The following SPATA6L variants were observed in gnomAD, a reference collection of about 807,000 sequenced individuals.
SPATA6L encodes spermatogenesis associated 6-like protein.
A neutral mutation model predicts 49.2 loss-of-function variants in SPATA6L; 68 were observed. The ratio of observed to expected loss-of-function variants is 1.38; its 90% CI spans 1.14 to 1.69. The LOEUF is 1.69. SPATA6L is among the 40% of genes most tolerant of loss of function. The probability of loss-of-function intolerance (pLI) is 0.00; values close to 1 mark genes in which losing one functional copy is unlikely to be tolerated. For synonymous variants in SPATA6L, 198 were observed against 165.7 expected, an observed-to-expected ratio of 1.19 and a Z score of -1.50; for missense variants, 668 against 464.3, an observed-to-expected ratio of 1.44 and a Z score of -4.03.
chr9:4,609,472 G>T (rs897479885), intron 9 of SPATA6L, among the ~76,000 whole-genome samples: 1 of 152,168 alleles, frequency 6.6e-6, no homozygotes, highest in Non-Finnish European at 1.5e-5. Flanking sequence ...TCATCCCTGG[G>T]ATGCAAGGCT....
chr9:4,648,619 G>A (rs889437193), intron 3 of SPATA6L, among the ~76,000 whole-genome samples: 1 of 151,842 alleles, frequency 6.6e-6, no homozygotes, highest in Admixed American at 6.6e-5. Context: ...AGAATGGCGT[G>A]AACCCGGGAG....
At chr9:4,653,736 C>T (rs999754180) in intron 3 of SPATA6L, among the ~76,000 whole-genome samples, 2 of 152,130 alleles carry the variant, frequency 1.3e-5, no homozygotes, top group Admixed American at 1.3e-4. Flanking sequence ...TCAAGACCAG[C>T]TGGGCAACAT....
intron 11 of SPATA6L, among the ~76,000 whole-genome samples, chr9:4,602,356 G>A (rs3780407): frequency 0.06 from 9,148 of 152,110 alleles, 517 homozygotes; most frequent in East Asian, 0.31. Flanking sequence ...CCCAGAATCC[G>A]TCCTTTAATC....
At chr9:4,619,725 G>T (rs1164046510) in intron 7 of SPATA6L, among the ~76,000 whole-genome samples, 1 of 152,086 alleles carries the variant, frequency 6.6e-6, no homozygotes, top group African/African-American at 2.4e-5. Flanking sequence ...CAACAAATAT[G>T]TAAAAGCTTG....
intron 3 of SPATA6L, among the ~76,000 whole-genome samples, chr9:4,655,752 T>C (rs1444448904): frequency 6.6e-6 from 1 of 152,172 alleles, no homozygotes; most frequent in Non-Finnish European, 1.5e-5. Flanking sequence ...GGTTTCACCA[T>C]GCTGACCAGG....
At chr9:4,659,820 C>A (rs1839188322) in intron 2 of SPATA6L, among the ~76,000 whole-genome samples, 1 of 152,106 alleles carries the variant, frequency 6.6e-6, no homozygotes, top group African/African-American at 2.4e-5. Flanking sequence ...AGTACTGGTA[C>A]CAAAACAGAG....
In SPATA6L at chr9:4,625,440, C is replaced by G. The variant is rs1284588701; in HGVS notation, c.556G>C (p.Ala186Pro). The part of the protein sequence containing the change: ...NRLPKGMQAR[A>P]PSQYSTRHFF... ...TGCCTGGTAGAATATTGAGAGGGCG[C>G]CCGGGCTTGCATGCCTTTGGGCAGT... Residue 186 changes from alanine to proline, a missense_variant, in exon 6 of 12, where the codon GCG becomes CCG. Transcript: ENST00000682582. 4 of 1,613,986 alleles carry G rather than the reference C, an allele frequency of 2.5e-6. No homozygotes were observed. The highest frequency in any genetic ancestry group is 3.3e-5 in the Admixed American group (2 of 59,998).
rs35552779 is a variant in SPATA6L at position 4,610,816 on chromosome 9, C to G, written c.996-5376G>C. On this transcript the variant is annotated intron_variant, in intron 9 of 11. Coordinates refer to ENST00000682582, the MANE Select transcript of SPATA6L (RefSeq NM_001353486.2). Reference sequence around the variant, plus strand: ...ACAAATGGGATCTAATTCAACTAAACAGCTTCTGCACAGCAAAAGAAACTA... The same window carrying G: ...ACAAATGGGATCTAATTCAACTAAAGAGCTTCTGCACAGCAAAAGAAACTA... 3.3e-3 allele frequency among the ~76,000 whole-genome samples: 505 copies of G among 152,052 alleles called. 5 individuals carry two copies. Among genetic ancestry groups the G allele is most frequent in the African/African-American group, 0.011 (471 of 41,364 alleles).
intron 6 of SPATA6L, among the ~76,000 whole-genome samples, chr9:4,624,194 C>G (rs1389923161): frequency 6.6e-6 from 1 of 151,898 alleles, no homozygotes; most frequent in Non-Finnish European, 1.5e-5. Context: ...CTGGTGTTCA[C>G]GTAGACTACA....
chr9:4,645,259 T>C (rs1157631831), intron 3 of SPATA6L, among the ~76,000 whole-genome samples: 1 of 152,188 alleles, frequency 6.6e-6, no homozygotes, highest in Non-Finnish European at 1.5e-5. Context: ...CAACAATTTG[T>C]ACATTAATAT....
chr9:4,625,675 T>A (rs1196274123), intron 5 of SPATA6L, 109 bp from the exon 6 acceptor site: 1 of 684,238 alleles, frequency 1.5e-6, no homozygotes, highest in Non-Finnish European at 2.2e-6. Context: ...AGGTCAAAGA[T>A]AACACACCTC....
intron 1 of SPATA6L, chr9:4,663,619 T>G: frequency 4.2e-6 from 1 of 235,398 alleles, no homozygotes. Context: ...TAAATCAACA[T>G]ACCACTTGTA....
intron 9 of SPATA6L, among the ~76,000 whole-genome samples, chr9:4,609,065 C>G (rs1011090753): frequency 2.0e-5 from 3 of 150,690 alleles, no homozygotes; most frequent in Admixed American, 6.6e-5. Flanking sequence ...ATAAATTCCT[C>G]GACACATACG....
rs148686981 is a variant in SPATA6L, at chr9:4,662,976, G to A, written c.40-940C>T. Reference sequence around the variant, plus strand: ...GGCCCACAACCAGATGGACATGTTTGTCACTCTCTCGGTGGACAAGTACTC... The same window carrying A: ...GGCCCACAACCAGATGGACATGTTTATCACTCTCTCGGTGGACAAGTACTC... On this transcript the variant is annotated intron_variant, in intron 1 of 11. Coordinates refer to ENST00000682582, the MANE Select transcript of SPATA6L (RefSeq NM_001353486.2). This position sits in a 1 kb window ranked among gnomAD's most constrained non-coding sequence, Gnocchi z 4.9. 35 of 1,612,902 alleles carry A rather than the reference G, an allele frequency of 2.2e-5. No individual in the cohort carries two copies. Among genetic ancestry groups the A allele is most frequent in the Non-Finnish European group, 2.6e-5 (31 of 1,179,904 alleles).
At chr9:4,606,874 G>C (rs1452059445) in intron 9 of SPATA6L, among the ~76,000 whole-genome samples, 8 of 144,688 alleles carry the variant, frequency 5.5e-5, no homozygotes, top group Non-Finnish European at 3.0e-5. Flanking sequence ...CAAACCAAAG[G>C]CAAAGAAGCT....
intron 1 of SPATA6L, chr9:4,663,270 C>T (rs751215578): frequency 3.1e-6 from 5 of 1,608,390 alleles, no homozygotes; most frequent in Non-Finnish European, 2.6e-6. Flanking sequence ...ATGACACCAT[C>T]TCATTGATTA....
chr9:4,589,297 G>GA (rs1227831666), intron 13 of SPATA6L, among the ~76,000 whole-genome samples: 1 of 152,140 alleles, frequency 6.6e-6, no homozygotes, highest in Non-Finnish European at 1.5e-5. Flanking sequence ...CTGCTTCTGG[G>GA]AAAAAACTAT....
At chr9:4,610,716 C>T (rs556734522) in intron 9 of SPATA6L, among the ~76,000 whole-genome samples, 1 of 151,934 alleles carries the variant, frequency 6.6e-6, no homozygotes, top group East Asian at 1.9e-4. Flanking sequence ...CTAGGCAATA[C>T]CATTCAGGAC....
intron 11 of SPATA6L, among the ~76,000 whole-genome samples, chr9:4,603,577 G>A (rs1023995583): frequency 6.6e-6 from 1 of 152,186 alleles, no homozygotes; most frequent in Admixed American, 6.5e-5. Flanking sequence ...AGTTAAATGT[G>A]ATTCCATTGT....
Sources: allele counts gnomAD v4.1 joint callset (sites outside exome capture counted in the v4.1 genomes callset), GRCh38; gene constraint gnomAD v4.1.1; non-coding constraint Gnocchi (gnomAD v3.1); transcripts MANE v1.5; gene names NCBI Gene and HGNC (gene_info 2026-07-23, HGNC 2026-07-21).